The following CPA6 variants were observed in gnomAD, a reference collection of about 807,000 sequenced individuals.
CPA6 encodes carboxypeptidase B.
In CPA6, 58 loss-of-function variants were observed where a neutral mutation model predicts 63.3. The observed-to-expected ratio is 0.92, with a 90% CI of 0.74 to 1.14. CPA6 has a LOEUF of 1.14. Among genes scored for constraint, CPA6 ranks in the 50% most tolerant of loss-of-function variants. CPA6 has a pLI of 0.00. For missense variants in CPA6, 565 were observed against 526.6 expected, an observed-to-expected ratio of 1.07 and a Z score of -0.71; for synonymous variants, 185 against 179.0, an observed-to-expected ratio of 1.03 and a Z score of -0.27.
intron 2 of CPA6, among the ~76,000 whole-genome samples, chr8:67,586,082 A>C (rs533471985): frequency 5.0e-4 from 76 of 152,330 alleles, no homozygotes; most frequent in Non-Finnish European, 8.1e-4. Flanking sequence ...CATAATAACA[A>C]GTGCTATGTG....
intron 8 of CPA6, among the ~76,000 whole-genome samples, chr8:67,443,947 GATAACATCTTA>G (rs1219195191): frequency 6.6e-6 from 1 of 151,824 alleles, no homozygotes; most frequent in East Asian, 1.9e-4. Flanking sequence ...GGTGGGGTTT[GATAACATCTTA>G]CCTCTCTGGC....
chr8:67,559,018 A>T (rs1195184852), intron 2 of CPA6, among the ~76,000 whole-genome samples: 1 of 152,178 alleles, frequency 6.6e-6, no homozygotes, highest in Non-Finnish European at 1.5e-5. Context: ...ATGTTGACTC[A>T]TGTTGCTTTT....
At chr8:67,464,703 G>C (rs1173305087) in intron 8 of CPA6, among the ~76,000 whole-genome samples, 1 of 152,150 alleles carries the variant, frequency 6.6e-6, no homozygotes, top group African/African-American at 2.4e-5. Flanking sequence ...GACAGGTAGA[G>C]GTCCAGTTTC....
intron 1 of CPA6, among the ~76,000 whole-genome samples, chr8:67,725,269 C>T (rs1817575786): frequency 6.6e-6 from 1 of 152,102 alleles, no homozygotes. Flanking sequence ...AAAACAGGTG[C>T]TTTTTTTCTG....
intron 1 of CPA6, among the ~76,000 whole-genome samples, chr8:67,678,389 G>A (rs570596010): frequency 7.9e-5 from 12 of 152,030 alleles, no homozygotes; most frequent in African/African-American, 2.7e-4. Context: ...TATCCAACGA[G>A]GCCTGATATC....
At chr8:67,519,178 T>C (rs1440437690) in intron 2 of CPA6, among the ~76,000 whole-genome samples, 3 of 152,214 alleles carry the variant, frequency 2.0e-5, no homozygotes, top group Non-Finnish European at 2.9e-5. Flanking sequence ...TTCCTTACTA[T>C]AGTGTCCCCA....
At chr8:67,519,247 G>C (rs1337773229) in intron 2 of CPA6, among the ~76,000 whole-genome samples, 1 of 152,168 alleles carries the variant, frequency 6.6e-6, no homozygotes, top group African/African-American at 2.4e-5. Context: ...AGGCACAATG[G>C]AACGCAGATG....
At chr8:67,741,773 T>C (rs1209096428) in intron 1 of CPA6, among the ~76,000 whole-genome samples, 2 of 152,192 alleles carry the variant, frequency 1.3e-5, no homozygotes. Context: ...TTCCACTGAT[T>C]CTTTGTTATG....
At chr8:67,653,915 CA>C (rs1815913356) in intron 1 of CPA6, among the ~76,000 whole-genome samples, 1 of 151,426 alleles carries the variant, frequency 6.6e-6, no homozygotes, top group Non-Finnish European at 1.5e-5. Context: ...AGATACGTCC[CA>C]TCAATACCTA....
At chr8:67,677,764 G>C (rs1184752370) in intron 1 of CPA6, among the ~76,000 whole-genome samples, 1 of 151,990 alleles carries the variant, frequency 6.6e-6, no homozygotes, top group Non-Finnish European at 1.5e-5. Flanking sequence ...ATCTAGGCAA[G>C]AGTGGATGGC....
chr8:67,733,537 A>G (rs1817756055), intron 1 of CPA6, among the ~76,000 whole-genome samples: 1 of 152,178 alleles, frequency 6.6e-6, no homozygotes, highest in South Asian at 2.1e-4. Context: ...ATCTCCGCTC[A>G]GAGTCCTTAT....
intron 2 of CPA6, among the ~76,000 whole-genome samples, chr8:67,556,830 AT>A (rs1236317954): frequency 2.0e-5 from 3 of 152,226 alleles, no homozygotes; most frequent in Admixed American, 1.3e-4. Context: ...AGTTTGCTGC[AT>A]AGGCTTTTTA....
At chr8:67,621,999 G>C (rs960114391) in intron 2 of CPA6, among the ~76,000 whole-genome samples, 2 of 152,168 alleles carry the variant, frequency 1.3e-5, no homozygotes, top group Admixed American at 6.5e-5. Context: ...ATTTCTGAGA[G>C]TTTATAAGTA....
chr8:67,446,361 G>T (rs77125611), intron 8 of CPA6, among the ~76,000 whole-genome samples: 2 of 150,958 alleles, frequency 1.3e-5, no homozygotes, highest in Non-Finnish European at 2.9e-5. Flanking sequence ...TCGATATCTC[G>T]TCCAGGCTGG....
intron 2 of CPA6, among the ~76,000 whole-genome samples, chr8:67,599,379 C>T (rs1430073250): frequency 2.0e-5 from 3 of 152,170 alleles, no homozygotes; most frequent in Non-Finnish European, 4.4e-5. Context: ...ATCATCTTAG[C>T]TTTGCTTCAT....
chr8:67,643,111 C>T (rs1815633088), intron 1 of CPA6, among the ~76,000 whole-genome samples: 1 of 152,056 alleles, frequency 6.6e-6, no homozygotes, highest in African/African-American at 2.4e-5. Flanking sequence ...AATATATCAA[C>T]ATGAAATTAA....
chr8:67,436,408 A>G (rs1406820203), intron 8 of CPA6, among the ~76,000 whole-genome samples: 1 of 149,340 alleles, frequency 6.7e-6, no homozygotes, highest in East Asian at 1.9e-4. Context: ...TTTAATAAAG[A>G]AAAGAAGATG....
intron 2 of CPA6, among the ~76,000 whole-genome samples, chr8:67,595,678 C>G (rs1440197968): frequency 6.6e-6 from 1 of 152,206 alleles, no homozygotes; most frequent in Non-Finnish European, 1.5e-5. Flanking sequence ...GGTGTAGGAC[C>G]TTCCGAGCCA....
At chr8:67,432,181 A>T (rs1401749329) in intron 9 of CPA6, among the ~76,000 whole-genome samples, 1 of 152,200 alleles carries the variant, frequency 6.6e-6, no homozygotes, top group Non-Finnish European at 1.5e-5. Context: ...TTGTGATTAG[A>T]GAGTTGGAAC....
Sources: gnomAD v4.1 joint callset for allele counts (sites outside exome capture counted in the v4.1 genomes callset) on GRCh38, gnomAD v4.1.1 for gene constraint, MANE v1.5 for transcripts, NCBI Gene and HGNC (gene_info 2026-07-23, HGNC 2026-07-21) for gene names.